TMC4: variants seen among roughly 807,000 people sequenced by gnomAD.
TMC4 encodes transmembrane channel like 4, also known as voltage-gated chloride channel TMC4.
In TMC4, 70 loss-of-function variants were observed where a neutral mutation model predicts 82.0. The observed-to-expected ratio is 0.85, with a 90% confidence interval of 0.70 to 1.04. TMC4 has a LOEUF of 1.04. TMC4 is among the 50% of genes least tolerant of loss of function. TMC4 has a pLI of 0.00. For missense variants in TMC4, 879 were observed against 899.0 expected, an observed-to-expected ratio of 0.98 and a Z score of 0.28; for synonymous variants, 446 against 406.0, an observed-to-expected ratio of 1.10 and a Z score of -1.18.
rs1210475419 is a variant in TMC4, at chr19:54,165,557, A to G, written c.807T>C (p.Ser269=). Residue 269 remains serine (S), a synonymous_variant, in exon 6 of 15, where the codon TCT becomes TCC. Transcript: ENST00000619895. ...CLLLILHRSV[S]GLKQTLLAES... is the part of the protein sequence containing the mutation. ...CCGCCAGCAGTGTCTGCTTCAGCCCAGACACCGAGCTGAGAGGGGAGACCC... is the reference window on the plus strand; with the variant it reads ...CCGCCAGCAGTGTCTGCTTCAGCCCGGACACCGAGCTGAGAGGGGAGACCC... 1.2e-6 allele frequency: 2 copies of G among 1,603,176 alleles called. No homozygotes were observed. The highest frequency in any genetic ancestry group is 4.5e-5 in the East Asian group (2 of 44,520).
rs2075755671 is a variant in TMC4 at position 54,168,310 on chromosome 19, C to T, written c.676-18G>A. 2.6e-6 allele frequency: 4 copies of T among 1,547,512 alleles called. No individual in the cohort carries two copies. Among genetic ancestry groups the T allele is most frequent in the Admixed American group, 2.0e-5 (1 of 50,800 alleles). On this transcript the variant is annotated intron_variant, in intron 4 of 14. Transcript: ENST00000619895. ...AGGTAACCCTGTGGGGGGAAGGCGGCGCAGGGGCCACTGTGGGAGGAGGCG... is the reference window on the plus strand; with the variant it reads ...AGGTAACCCTGTGGGGGGAAGGCGGTGCAGGGGCCACTGTGGGAGGAGGCG...
In TMC4 at chr19:54,162,134, C is replaced by A. The variant is rs774117731; in HGVS notation, c.1654G>T (p.Val552Phe). Residue 552 changes from valine to phenylalanine, a missense_variant, in exon 11 of 15, where the codon GTC (valine) becomes TTC (phenylalanine). Physicochemically the swap from Val to Phe is conservative, Grantham distance 50. Transcript: ENST00000619895. Reference sequence around the variant, plus strand: ...AGGTAGAAAAGCAGCAGGAACTTGACCGTGTTAAGCAGGGGCAGTAAAGGG... The same window carrying A: ...AGGTAGAAAAGCAGCAGGAACTTGAACGTGTTAAGCAGGGGCAGTAAAGGG... The part of the protein sequence containing the change: ...FCPLLPLLNT[V>F]KFLLLFYLKK... The A allele has an allele frequency of 6.2e-6, 10 of 1,613,422 alleles. No homozygotes were observed. Among genetic ancestry groups the A allele is most frequent in the Non-Finnish European group, 8.5e-7 (1 of 1,179,764 alleles).
intron 13 of TMC4, 133 bp from the exon 14 acceptor site, chr19:54,160,678 C>T: frequency 6.7e-7 from 1 of 1,490,004 alleles, no homozygotes; most frequent in Non-Finnish European, 9.0e-7. Flanking sequence ...AGTCTCCCAG[C>T]CCCTCCGCCT....
At position 54,160,671 on chromosome 19, in the gene TMC4, C is replaced by T. The variant is rs950836150; in HGVS notation, c.1974-126G>A. 2.7e-6 allele frequency: 4 copies of T among 1,494,222 alleles called. No individual in the cohort carries two copies. In the Admixed American group the frequency reaches 8.4e-5, roughly 32 times the overall value. 92.6% of individuals were successfully genotyped at this position (1,494,222 alleles called of 1,614,324 possible). ...CTCGTCTGGGCTCAAGGAGTTCAGT[C>T]TCCCAGCCCCTCCGCCTTCAGATCC... On this transcript the variant is annotated intron_variant, in intron 13 of 14. Coordinates refer to ENST00000619895, the MANE Select transcript of TMC4 (RefSeq NM_144686.4).
chr19:54,168,642 G>C lies in TMC4; in HGVS notation c.481C>G (p.Leu161Val). The C allele has an allele frequency of 6.3e-7, 1 of 1,583,976 alleles. No individual in the cohort carries two copies. Among genetic ancestry groups the C allele is most frequent in the African/African-American group, 1.3e-5 (1 of 74,204 alleles). Residue 161 changes from leucine (L) to valine (V), a missense_variant, in exon 4 of 15, where the codon CTG (leucine) becomes GTG (valine). By Grantham distance (32) the Leu-to-Val change is conservative (BLOSUM62 1). Coordinates refer to ENST00000619895, the MANE Select transcript of TMC4 (RefSeq NM_144686.4). The part of the protein sequence containing the change: ...GAGTESYFSL[L>V]RFLLLLNVLA... ...ACGTTAAGAAGGAGCAGGAAGCGCA[G>C]CAGGGAGAAGTAGGACTCCGTGCCG...
Position 54,161,156 on chromosome 19 carries a change from G to A in TMC4, c.1791C>T (p.Ser597=), listed in dbSNP as rs765431768. The A allele has an allele frequency of 2.5e-6, 4 of 1,588,680 alleles. No homozygotes were observed. The highest frequency in any genetic ancestry group is 3.4e-4 in the Middle Eastern group (2 of 5,930). ...LVLLLGLAIS[S]VPLLYSIFLI... ...GGAAGATGCTGTAAAGCAGGGGAAC[G>A]CTGGAGATGGCCAGACCCAGGAGAA... Residue 597 remains serine (S), a synonymous_variant, in exon 12 of 15, where the codon AGC becomes AGT. Coordinates refer to ENST00000619895, the MANE Select transcript of TMC4 (RefSeq NM_144686.4).
intron 1 of TMC4, chr19:54,172,781 T>C: frequency 2.3e-6 from 1 of 435,450 alleles, no homozygotes; most frequent in Non-Finnish European, 4.1e-6. Flanking sequence ...GAACCCAGCC[T>C]CTCCTATTCC....
intron 13 of TMC4, 74 bp from the exon 14 acceptor site, chr19:54,160,619 C>G: frequency 6.2e-7 from 1 of 1,602,878 alleles, no homozygotes; most frequent in South Asian, 1.1e-5. Context: ...TCCTTCGAAG[C>G]CAGGGATGTG....
intron 3 of TMC4, 102 bp downstream of exon 3, chr19:54,169,410 G>T: frequency 7.0e-7 from 1 of 1,423,932 alleles, no homozygotes; most frequent in Non-Finnish European, 9.3e-7. Context: ...CCAGGCCCAA[G>T]CCCCTCCTCC....
At chr19:54,170,655 A>T (rs1000096184) in intron 2 of TMC4, among the ~76,000 whole-genome samples, 1 of 151,992 alleles carries the variant, frequency 6.6e-6, no homozygotes, top group African/African-American at 2.4e-5. Flanking sequence ...TTTTACAGAC[A>T]AATGTCTCGT....
Position 54,160,323 on chromosome 19 carries a change from TGGA to T in TMC4, c.2101_2103del (p.Ser701del). The stretch of plus-strand genomic sequence containing the variant: ...TGCGGGGGTCAAAGAGCCGGTTTGG[TGGA>T]GGTCAGCGCCACAGCGCGCCGTGCC... On this transcript the variant is annotated inframe_deletion, in exon 15 of 15. Coordinates refer to ENST00000619895, the MANE Select transcript of TMC4 (RefSeq NM_144686.4). 6.6e-7 allele frequency: 1 copy of T among 1,518,736 alleles called. No individual in the cohort carries two copies. The highest frequency in any genetic ancestry group is 8.8e-7 in the Non-Finnish European group (1 of 1,134,408). 94.1% of individuals were successfully genotyped at this position (1,518,736 alleles called of 1,614,324 possible). A position where few individuals can be genotyped will look rare whatever the true frequency, so the allele number is the denominator to read the frequency against.
intron 5 of TMC4, among the ~76,000 whole-genome samples, chr19:54,167,076 T>C (rs752951535): frequency 6.6e-6 from 1 of 151,778 alleles, no homozygotes; most frequent in Non-Finnish European, 1.5e-5. Flanking sequence ...CTGGGCAACA[T>C]AGCAAGACCC....
Position 54,162,195 on chromosome 19 carries a change from G to T in TMC4, c.1593C>A (p.Tyr531Ter), listed in dbSNP as rs1394541147. 6.2e-7 allele frequency: 1 copy of T among 1,613,534 alleles called. No homozygotes were observed. The highest frequency in any genetic ancestry group is 8.5e-7 in the Non-Finnish European group (1 of 1,179,798). ...QVPDEVLGLI[Y>*]AQTVVWVGSF... ...TCCCCACCCAGACCACCGTCTGCGC[G>T]TAGATGAGCCCCAGCACCTCGTCGG... The change falls in exon 11 of 15, where the codon TAC (tyrosine) becomes TAA (stop). Residue 531 changes from tyrosine (Y) to a stop codon, truncating the protein, a stop_gained. Transcript: ENST00000619895. LOFTEE classifies it high-confidence loss of function.
chr19:54,166,826 G>A (rs2075717083), intron 5 of TMC4, among the ~76,000 whole-genome samples: 1 of 152,168 alleles, frequency 6.6e-6, no homozygotes. Context: ...GGTGGCACAT[G>A]CCTGTAATCC....
Position 54,164,265 on chromosome 19 carries a change from G to A in TMC4, c.1113+169C>T, listed in dbSNP as rs540748451. The stretch of plus-strand genomic sequence containing the variant: ...TGGGATTACAGGTGTAAGCCACCGC[G>A]CCCAGCCTCTCTTTTTCCTTTAAAA... On this transcript the variant is annotated intron_variant, in intron 7 of 14. Transcript: ENST00000619895. Among the ~76,000 whole-genome samples the A allele has an allele frequency of 1.2e-3, 175 of 152,076 alleles. No homozygotes were observed. The highest frequency in any genetic ancestry group is 2.0e-3 in the Non-Finnish European group (139 of 67,974).
At chr19:54,161,315 CATTTT>C in intron 11 of TMC4, 55 bp from the exon 12 acceptor site, 6 of 1,103,938 alleles carry the variant, frequency 5.4e-6, no homozygotes, top group African/African-American at 5.2e-5. Context: ...TCTGTGCCTC[CATTTT>C]TTTTTTTTTT....
intron 11 of TMC4, 150 bp from the exon 12 acceptor site, chr19:54,161,410 G>A: frequency 1.1e-6 from 1 of 911,550 alleles, no homozygotes; most frequent in South Asian, 3.0e-5. Context: ...CCAGGCTGGA[G>A]TGCAGTGGCT....
chr19:54,172,566 GCACCCAGCCCCTCCTCCCTC>G, intron 1 of TMC4: 1 of 312,624 alleles, frequency 3.2e-6, no homozygotes. Context: ...AGGAATCCAG[GCACCCAGCCCCTCCTCCCTC>G]AGACCAGGAA....
intron 5 of TMC4, among the ~76,000 whole-genome samples, chr19:54,166,342 A>AC (rs537013864): frequency 7.3e-5 from 10 of 137,864 alleles, no homozygotes; most frequent in African/African-American, 8.0e-5. Flanking sequence ...AAAAAAAAAA[A>AC]AAAAGACCCA....
Sources: gnomAD v4.1 joint callset for allele counts (sites outside exome capture counted in the v4.1 genomes callset) on GRCh38, gnomAD v4.1.1 for gene constraint, MANE v1.5 for transcripts, NCBI Gene and HGNC (gene_info 2026-07-23, HGNC 2026-07-21) for gene names.